Variants in ST8SIA1 observed in about 807,000 individuals in gnomAD.
The protein encoded by ST8SIA1 is alpha-N-acetylneuraminide alpha-2,8-sialyltransferase.
A neutral mutation model predicts 35.9 loss-of-function variants in ST8SIA1; 16 were observed. The ratio of observed to expected loss-of-function variants is 0.45; its 90% confidence interval spans 0.30 to 0.68. The LOEUF is 0.68. Among genes scored for constraint, ST8SIA1 ranks in the 30% least tolerant of loss-of-function variants. The probability of loss-of-function intolerance (pLI) is 0.09; values close to 1 mark genes in which losing one functional copy is unlikely to be tolerated. For synonymous variants in ST8SIA1, 170 were observed against 169.6 expected (o/e 1.00, Z -0.02); for missense variants, 383 against 453.6 (o/e 0.84, Z 1.41).
intron 1 of ST8SIA1, among the ~76,000 whole-genome samples, chr12:22,303,182 T>C (rs1476128192): frequency 1.3e-5 from 2 of 152,210 alleles, no homozygotes; most frequent in Admixed American, 6.5e-5. Flanking sequence ...CTTCTGTTGG[T>C]GCTTGGTACC....
At chr12:22,329,487 C>G (rs1405806893) in intron 1 of ST8SIA1, among the ~76,000 whole-genome samples, 3 of 152,134 alleles carry the variant, frequency 2.0e-5, no homozygotes, top group Non-Finnish European at 4.4e-5. Flanking sequence ...TGCAACATAA[C>G]TGTAGCATAT....
chr12:22,239,177 T>A (rs904346161), intron 4 of ST8SIA1, among the ~76,000 whole-genome samples: 3 of 152,206 alleles, frequency 2.0e-5, no homozygotes, highest in Admixed American at 6.5e-5. Context: ...TCACTAAAAT[T>A]GTCTGTTTGC....
At chr12:22,306,924 T>C (rs1866390951) in intron 1 of ST8SIA1, among the ~76,000 whole-genome samples, 1 of 152,212 alleles carries the variant, frequency 6.6e-6, no homozygotes, top group African/African-American at 2.4e-5. Flanking sequence ...GTTGATGTTT[T>C]AATTTCTACT....
At chr12:22,217,459 C>A (rs192456146) in intron 4 of ST8SIA1, among the ~76,000 whole-genome samples, 1 of 152,094 alleles carries the variant, frequency 6.6e-6, no homozygotes, top group Non-Finnish European at 1.5e-5. Flanking sequence ...ATGTTCATAT[C>A]TGTGTCTAAT....
intron 1 of ST8SIA1, among the ~76,000 whole-genome samples, chr12:22,328,508 TTC>T (rs1159060361): frequency 6.6e-6 from 1 of 152,198 alleles, no homozygotes. Context: ...TCTGTTTATT[TTC>T]TGTCTCTCAT....
At chr12:22,324,439 G>A (rs186038388) in intron 1 of ST8SIA1, 5 of 152,154 alleles carry the variant, frequency 3.3e-5, no homozygotes, top group African/African-American at 1.2e-4. Context: ...TCCAATAACA[G>A]TATATTAATT....
chr12:22,329,724 C>T (rs1238789767), intron 1 of ST8SIA1, among the ~76,000 whole-genome samples: 2 of 152,114 alleles, frequency 1.3e-5, no homozygotes, highest in Non-Finnish European at 2.9e-5. Context: ...AATAAAGAGG[C>T]CACATAAAGG....
rs181464905 is a variant in ST8SIA1 at position 22,205,168 on chromosome 12, A to G, written c.585-3130T>C. Among the ~76,000 whole-genome samples the G allele has an allele frequency of 8.6e-3, 1,306 of 152,284 alleles. 10 individuals are homozygous for G. The highest frequency in any genetic ancestry group is 0.024 in the Middle Eastern group (7 of 294). On this transcript the variant is annotated intron_variant, in intron 4 of 4. Coordinates refer to ENST00000396037, the MANE Select transcript of ST8SIA1 (RefSeq NM_003034.4). ...AAAAGTCTTCTTTGAATTCCTGAAT[A>G]ATAATTGCTCATACTCTCTAAGACT... is the stretch of plus-strand genomic sequence containing the variant.
chr12:22,286,058 G>C (rs1420555506), intron 2 of ST8SIA1, among the ~76,000 whole-genome samples: 1 of 152,122 alleles, frequency 6.6e-6, no homozygotes, highest in Non-Finnish European at 1.5e-5. Context: ...ACAAAATTCA[G>C]TTCCATATAT....
At chr12:22,328,693 T>C (rs545301073) in intron 1 of ST8SIA1, among the ~76,000 whole-genome samples, 47 of 152,326 alleles carry the variant, frequency 3.1e-4, no homozygotes, top group Non-Finnish European at 5.3e-4. Flanking sequence ...GGAGGAGTTC[T>C]AAGCACAGCC....
intron 4 of ST8SIA1, among the ~76,000 whole-genome samples, chr12:22,236,478 G>A (rs1591831193): frequency 6.6e-6 from 1 of 152,154 alleles, no homozygotes; most frequent in Non-Finnish European, 1.5e-5. Context: ...TTACTGATTT[G>A]AAAATATATT....
chr12:22,325,089 CT>C (rs1195722191), intron 1 of ST8SIA1: 4 of 199,374 alleles, frequency 2.0e-5, no homozygotes, highest in African/African-American at 9.3e-5. Context: ...TTTCAGCAGG[CT>C]TTTTCTTCTT....
At chr12:22,280,565 T>G (rs2135812371) in intron 2 of ST8SIA1, among the ~76,000 whole-genome samples, 1 of 152,364 alleles carries the variant, frequency 6.6e-6, no homozygotes, top group South Asian at 2.1e-4. Context: ...TAGAAAGATC[T>G]ACACCATGGC....
chr12:22,218,479 A>C (rs542604982), intron 4 of ST8SIA1, among the ~76,000 whole-genome samples: 70 of 136,680 alleles, frequency 5.1e-4, no homozygotes, highest in Non-Finnish European at 9.8e-4. Context: ...TTAGCCAGGC[A>C]TGGTGGCGGG....
intron 1 of ST8SIA1, among the ~76,000 whole-genome samples, chr12:22,303,452 T>C (rs1018512999): frequency 1.2e-4 from 19 of 152,132 alleles, no homozygotes; most frequent in Admixed American, 1.0e-3. Context: ...GAATTTGAGA[T>C]TTTTCCTGCT....
At chr12:22,275,889 T>C (rs900279083) in intron 2 of ST8SIA1, among the ~76,000 whole-genome samples, 4 of 152,236 alleles carry the variant, frequency 2.6e-5, no homozygotes, top group Non-Finnish European at 4.4e-5. Context: ...TATAAGCTGA[T>C]GCAATAAATC....
intron 1 of ST8SIA1, 69 bp from the exon 2 acceptor site, chr12:22,287,362 A>C: frequency 3.9e-6 from 6 of 1,522,698 alleles, no homozygotes; most frequent in Non-Finnish European, 5.3e-6. Context: ...TTCACTTGTC[A>C]TTCCCACAGA....
intron 1 of ST8SIA1, among the ~76,000 whole-genome samples, chr12:22,313,062 T>C (rs1866472258): frequency 6.6e-6 from 1 of 152,196 alleles, no homozygotes; most frequent in South Asian, 2.1e-4. Context: ...TCCGAGCTCA[T>C]GGAGGCAGGC....
chr12:22,224,680 A>T (rs572569685), intron 4 of ST8SIA1, among the ~76,000 whole-genome samples: 2 of 152,332 alleles, frequency 1.3e-5, no homozygotes, highest in South Asian at 4.1e-4. Flanking sequence ...AAATGTATAA[A>T]TCATTTTTCT....
Sources: allele counts gnomAD v4.1 joint callset (sites outside exome capture counted in the v4.1 genomes callset), GRCh38; gene constraint gnomAD v4.1.1; transcripts MANE v1.5; gene names NCBI Gene and HGNC (gene_info 2026-07-23, HGNC 2026-07-21).